The following TLN2 variants were observed in gnomAD, a reference collection of about 807,000 sequenced individuals.
TLN2 encodes talin 2.
TLN2 carries 118 observed loss-of-function variants against 294.7 expected under a neutral mutation model. That is an observed-to-expected ratio of 0.40 (90% confidence interval 0.34 to 0.47). The LOEUF (loss-of-function observed/expected upper bound fraction) is 0.47. Ranked by LOEUF, TLN2 falls within the 20% of genes least tolerant of loss-of-function variation. The pLI is 0.84. For synonymous variants in TLN2, 1,431 were observed against 1,304.5 expected (o/e 1.10, Z -2.09); for missense variants, 3,083 against 3,282.2 (o/e 0.94, Z 1.48).
intron 15 of TLN2, among the ~76,000 whole-genome samples, chr15:62,698,272 G>A (rs2058491100): frequency 6.6e-6 from 1 of 152,184 alleles, no homozygotes; most frequent in African/African-American, 2.4e-5. Flanking sequence ...CTCTCAGGCC[G>A]GCCTTGGGAC....
intron 2 of TLN2, among the ~76,000 whole-genome samples, chr15:62,598,507 G>A (rs2046731091): frequency 6.6e-6 from 1 of 152,086 alleles, no homozygotes; most frequent in South Asian, 2.1e-4. Flanking sequence ...TCTGCTCGAT[G>A]TTCCCTTGGT....
Position 62,405,413 on chromosome 15 carries a change from C to T in TLN2, c.-238+14728C>T, listed in dbSNP as rs115138607. Among the ~76,000 whole-genome samples, 339 of 152,346 alleles carry T rather than the reference C, an allele frequency of 2.2e-3. 3 individuals carry two copies. Among genetic ancestry groups the T allele is most frequent in the African/African-American group, 7.5e-3 (313 of 41,582 alleles). ...GACCCAACTCCTTTCTGAGACACAA[C>T]ACCCATCTCAACTGACTGTGTCGCA... is the stretch of plus-strand genomic sequence containing the variant. On this transcript the variant is annotated intron_variant, in intron 1 of 58. Transcript: ENST00000636159.
intron 1 of TLN2, among the ~76,000 whole-genome samples, chr15:62,459,366 G>A (rs2036664079): frequency 6.7e-6 from 1 of 148,596 alleles, no homozygotes; most frequent in Non-Finnish European, 1.5e-5. Flanking sequence ...TCACAGGGCA[G>A]ACATGTGAAT....
intron 1 of TLN2, among the ~76,000 whole-genome samples, chr15:62,466,252 G>A (rs188022851): frequency 2.6e-5 from 4 of 152,312 alleles, no homozygotes; most frequent in East Asian, 3.9e-4. Context: ...AGGAAGGTCC[G>A]GTGGTATGTC....
At chr15:62,436,882 G>A (rs569950626) in intron 1 of TLN2, among the ~76,000 whole-genome samples, 30 of 152,196 alleles carry the variant, frequency 2.0e-4, no homozygotes, top group South Asian at 1.9e-3. Context: ...ATGCACCATC[G>A]TGCCTGGCTA....
At chr15:62,532,449 G>C (rs2041098562) in intron 1 of TLN2, among the ~76,000 whole-genome samples, 1 of 152,118 alleles carries the variant, frequency 6.6e-6, no homozygotes, top group Non-Finnish European at 1.5e-5. Flanking sequence ...CATCAGGCCA[G>C]TGGATTGTTA....
intron 21 of TLN2, 42 bp from the exon 22 acceptor site, chr15:62,711,869 A>G: frequency 8.3e-6 from 13 of 1,567,050 alleles, no homozygotes; most frequent in Non-Finnish European, 1.1e-5. Context: ...CTGACCTTTG[A>G]AAAGCAGACA....
chr15:62,776,854 A>C lies in TLN2; in HGVS notation c.5458A>C (p.Ser1820Arg). 1 of 1,601,468 alleles carries C rather than the reference A, an allele frequency of 6.2e-7. No homozygotes were observed. Among genetic ancestry groups the C allele is most frequent in the Non-Finnish European group, 8.5e-7 (1 of 1,173,768 alleles). ...DIMVTLNEAASEVGLVGGMVD... is the reference protein window; with the variant it reads ...DIMVTLNEAAREVGLVGGMVD... ...CATGGTGACGCTGAACGAAGCTGCC[A>C]GTGAAGTGGGGCTGGTTGGGGGCAT... Residue 1820 changes from serine (S) to arginine (R), a missense_variant, in exon 43 of 59, where the codon AGT becomes CGT. Coordinates refer to ENST00000636159, the MANE Select transcript of TLN2 (RefSeq NM_015059.3).
At chr15:62,515,129 C>T (rs2040122715) in intron 1 of TLN2, among the ~76,000 whole-genome samples, 1 of 152,164 alleles carries the variant, frequency 6.6e-6, no homozygotes, top group Non-Finnish European at 1.5e-5. Flanking sequence ...ATTTCTGTTT[C>T]TCTGATTTTT....
intron 39 of TLN2, 80 bp from the exon 40 acceptor site, chr15:62,763,483 T>G: frequency 6.6e-7 from 1 of 1,504,928 alleles, no homozygotes; most frequent in South Asian, 1.3e-5. Flanking sequence ...TGGACAGGGA[T>G]CCTGGCCCAC....
chr15:62,749,838 T>C (rs1567522615), intron 33 of TLN2, among the ~76,000 whole-genome samples: 1 of 152,254 alleles, frequency 6.6e-6, no homozygotes, highest in Non-Finnish European at 1.5e-5. Flanking sequence ...TATACCCATG[T>C]ATTTCTTTGA....
At chr15:62,614,882 T>C (rs956197001) in intron 2 of TLN2, among the ~76,000 whole-genome samples, 2 of 152,162 alleles carry the variant, frequency 1.3e-5, no homozygotes, top group Non-Finnish European at 2.9e-5. Flanking sequence ...CTTGGCTCAC[T>C]GCAACCCCCG....
At chr15:62,756,048 C>T (rs1330695843) in intron 37 of TLN2, among the ~76,000 whole-genome samples, 2 of 152,310 alleles carry the variant, frequency 1.3e-5, no homozygotes, top group South Asian at 2.1e-4. Context: ...GATATGTTTA[C>T]TTGCAGCGTT....
chr15:62,527,041 A>G (rs1290333204), intron 1 of TLN2, among the ~76,000 whole-genome samples: 1 of 152,214 alleles, frequency 6.6e-6, no homozygotes, highest in Non-Finnish European at 1.5e-5. Flanking sequence ...CCAAAGAGAC[A>G]TGACGTCGAG....
At chr15:62,699,492 G>A (rs1164410386) in intron 16 of TLN2, among the ~76,000 whole-genome samples, 1 of 151,986 alleles carries the variant, frequency 6.6e-6, no homozygotes, top group Non-Finnish European at 1.5e-5. Context: ...GAGAAGCACT[G>A]GCTTACTACC....
chr15:62,411,206 G>A (rs2033756802), intron 1 of TLN2, among the ~76,000 whole-genome samples: 1 of 152,192 alleles, frequency 6.6e-6, no homozygotes, highest in South Asian at 2.1e-4. Flanking sequence ...CAAACATGCT[G>A]ATGTGGGAAC....
chr15:62,627,540 G>A (rs2049387819), intron 3 of TLN2, among the ~76,000 whole-genome samples: 1 of 152,194 alleles, frequency 6.6e-6, no homozygotes, highest in South Asian at 2.1e-4. Flanking sequence ...ATTATCTTGT[G>A]AAATGTTGAT....
chr15:62,399,273 A>C (rs1012719574), intron 1 of TLN2, among the ~76,000 whole-genome samples: 2 of 150,804 alleles, frequency 1.3e-5, no homozygotes, highest in African/African-American at 4.9e-5. Context: ...AAAAAAAAAA[A>C]AAAAAAAAAA....
chr15:62,764,537 G>A (rs1032040101), intron 40 of TLN2, among the ~76,000 whole-genome samples: 1 of 152,078 alleles, frequency 6.6e-6, no homozygotes, highest in East Asian at 1.9e-4. Context: ...AAACTGTGTG[G>A]GATGCCAGAA....
Sources: allele counts gnomAD v4.1 joint callset (sites outside exome capture counted in the v4.1 genomes callset), GRCh38; gene constraint gnomAD v4.1.1; transcripts MANE v1.5; gene names NCBI Gene and HGNC (gene_info 2026-07-23, HGNC 2026-07-21).